VIRMA: variants seen among roughly 807,000 people sequenced by gnomAD.
VIRMA encodes protein virilizer homolog.
In VIRMA, 65 loss-of-function variants were observed where a neutral mutation model predicts 182.4. That is an observed-to-expected ratio of 0.36 (90% CI 0.29 to 0.44). VIRMA has a LOEUF of 0.44. Among genes scored for constraint, VIRMA ranks in the 20% least tolerant of loss-of-function variants. The pLI is 1.00. For missense variants in VIRMA, 1,752 were observed against 2,158.1 expected (o/e 0.81, Z 3.73); for synonymous variants, 709 against 743.1 (o/e 0.95, Z 0.75).
intron 1 of VIRMA, among the ~76,000 whole-genome samples, chr8:94,552,814 CG>C (rs1368784485): frequency 6.6e-6 from 1 of 152,142 alleles, no homozygotes; most frequent in Non-Finnish European, 1.5e-5. Flanking sequence ...AAGTATTCTC[CG>C]TGAATGCATC....
At chr8:94,499,836 G>T (rs1054773476) in intron 16 of VIRMA, among the ~76,000 whole-genome samples, 2 of 151,722 alleles carry the variant, frequency 1.3e-5, no homozygotes, top group Non-Finnish European at 2.9e-5. Context: ...CTTGAGGTCA[G>T]GAGTTTAAGA....
rs1364150196 is a variant in VIRMA, at chr8:94,511,989, A to C, written c.2845+7T>G. The C allele has an allele frequency of 6.7e-7, 1 of 1,500,456 alleles. No homozygotes were observed. The highest frequency in any genetic ancestry group is 9.0e-7 in the Non-Finnish European group (1 of 1,115,078). 92.9% of individuals were successfully genotyped at this position (1,500,456 alleles called of 1,614,324 possible). ...TCGTAGTTTTTAAAATACAGTAGCC[A>C]CATTACCTTCAACAGGAGGTGGTGG... On this transcript the variant is annotated splice_region_variant and intron_variant, in intron 12 of 23. Coordinates refer to ENST00000297591, the MANE Select transcript of VIRMA (RefSeq NM_015496.5).
At chr8:94,546,768 G>T in intron 1 of VIRMA, 8 of 354,342 alleles carry the variant, frequency 2.3e-5, no homozygotes, top group Middle Eastern at 3.8e-4. Context: ...TTACGCCTTT[G>T]CATCCTGTGC....
chr8:94,495,713 A>T lies in VIRMA; in HGVS notation c.4544+18T>A. 2 of 1,606,266 alleles carry T rather than the reference A, an allele frequency of 1.2e-6. No homozygotes were observed. The highest frequency in any genetic ancestry group is 1.7e-6 in the Non-Finnish European group (2 of 1,176,148). On this transcript the variant is annotated intron_variant, in intron 19 of 23. Transcript: ENST00000297591. ...TAAAACCAACAGCTATTCAATCATAAAACATTGTGTATTTTACCTATTGTT... is the reference window on the plus strand; with the variant it reads ...TAAAACCAACAGCTATTCAATCATATAACATTGTGTATTTTACCTATTGTT...
chr8:94,517,004 C>A (rs1814582241), intron 10 of VIRMA, among the ~76,000 whole-genome samples: 1 of 152,062 alleles, frequency 6.6e-6, no homozygotes, highest in Non-Finnish European at 1.5e-5. Context: ...TCAAGGCTGC[C>A]CACATAAGGT....
At chr8:94,520,537 C>T (rs1294707320) in intron 8 of VIRMA, among the ~76,000 whole-genome samples, 1 of 151,932 alleles carries the variant, frequency 6.6e-6, no homozygotes, top group African/African-American at 2.4e-5. Context: ...CTGTACTGAC[C>T]ATGTACAGAC....
intron 2 of VIRMA, among the ~76,000 whole-genome samples, chr8:94,539,050 T>C: frequency 6.6e-6 from 1 of 151,198 alleles, no homozygotes; most frequent in East Asian, 1.9e-4. Flanking sequence ...TACAGGTGTA[T>C]GCCACTACAC....
chr8:94,523,373 C>T (rs1441448731), intron 8 of VIRMA, among the ~76,000 whole-genome samples: 1 of 152,174 alleles, frequency 6.6e-6, no homozygotes, highest in East Asian at 1.9e-4. Context: ...TCCAACATCT[C>T]CTTCTAGCTG....
Position 94,506,560 on chromosome 8 carries a change from G to A in VIRMA, c.4037C>T (p.Thr1346Ile), listed in dbSNP as rs1297597957. 1 of 1,613,596 alleles carries A rather than the reference G, an allele frequency of 6.2e-7. No individual in the cohort carries two copies. Among genetic ancestry groups the A allele is most frequent in the Non-Finnish European group, 8.5e-7 (1 of 1,179,662 alleles). The change falls in exon 16 of 24, where the codon ACA becomes ATA. Residue 1346 changes from threonine to isoleucine, a missense_variant. Around this residue, in one of 11 missense-constraint regions of VIRMA, gnomAD observed 777 missense variants for 920.6 expected, o/e 0.84. Transcript: ENST00000297591. ...AAGAAACATCATTGTTCTGACACAT[G>A]TCAGTAAACAGTTGTAACTGCTCTC... ...NSESSYNCLL[T>I]CVRTMMFLAE...
At chr8:94,502,769 TAAA>T (rs202000077) in intron 16 of VIRMA, among the ~76,000 whole-genome samples, 1 of 152,134 alleles carries the variant, frequency 6.6e-6, no homozygotes, top group Admixed American at 6.5e-5. Context: ...AGGAAGTACT[TAAA>T]AAATTTTTTT....
chr8:94,553,355 C>A, intron 1 of VIRMA, 30 bp downstream of exon 1: 1 of 1,607,530 alleles, frequency 6.2e-7, no homozygotes, highest in South Asian at 1.1e-5. Flanking sequence ...AGTCAAGAAG[C>A]AGCGTCAGAA....
chr8:94,500,584 C>CTG (rs1268475751), intron 16 of VIRMA, among the ~76,000 whole-genome samples: 1 of 151,584 alleles, frequency 6.6e-6, no homozygotes, highest in Non-Finnish European at 1.5e-5. Flanking sequence ...TGAGGAGCAA[C>CTG]TGGGGCTCTA....
At chr8:94,508,623 C>G (rs2130300288) in intron 15 of VIRMA, among the ~76,000 whole-genome samples, 1 of 151,642 alleles carries the variant, frequency 6.6e-6, no homozygotes, top group East Asian at 1.9e-4. Context: ...AAATACCAAC[C>G]AAATGGACAC....
At chr8:94,553,258 G>C in intron 1 of VIRMA, 127 bp downstream of exon 1, 1 of 903,460 alleles carries the variant, frequency 1.1e-6, no homozygotes, top group African/African-American at 1.6e-5. Flanking sequence ...CTCGGGGGAG[G>C]GTGTCTGTGT....
In VIRMA at chr8:94,489,293, T is replaced by C. The variant is rs1813540874; in HGVS notation, c.5285-433A>G. On this transcript the variant is annotated intron_variant, in intron 23 of 23. Transcript: ENST00000297591. ...GGCTTTCATTACTGAAACATAAAAATAAGAGCACATCACCATGAAACTGTT... is the reference window on the plus strand; with the variant it reads ...GGCTTTCATTACTGAAACATAAAAACAAGAGCACATCACCATGAAACTGTT... 5.3e-5 allele frequency among the ~76,000 whole-genome samples: 8 copies of C among 152,182 alleles called. No individual in the cohort carries two copies. The South Asian group carries it at 1.7e-3, about 31-fold the overall frequency.
In VIRMA at chr8:94,538,355, G is replaced by T; in HGVS notation, c.180-9C>A. The T allele has an allele frequency of 1.3e-6, 2 of 1,557,718 alleles. No homozygotes were observed. The highest frequency in any genetic ancestry group is 1.8e-6 in the Non-Finnish European group (2 of 1,129,728). On this transcript the variant is annotated splice_polypyrimidine_tract_variant and intron_variant, in intron 2 of 23. Transcript: ENST00000297591. ...TATGGGGAGATGTCTCTCTGTAAAT[G>T]AAACAAAGTTGAAACATCAGCCTTT...
intron 15 of VIRMA, among the ~76,000 whole-genome samples, chr8:94,508,644 A>G (rs1404780581): frequency 6.6e-6 from 1 of 152,090 alleles, no homozygotes; most frequent in Non-Finnish European, 1.5e-5. Context: ...TTTGAGGTAC[A>G]AGGACTTAGA....
Position 94,517,825 on chromosome 8 carries a change from C to G in VIRMA, c.2631G>C (p.Lys877Asn), listed in dbSNP as rs1210687537. ...MLEQHAASLL[K>N]LCKADENNAK... ...CATTATTTTCATCTGCTTTACAAAG[C>G]TTCAAGAGAGATGCTGCATGTTGTT... is the stretch of plus-strand genomic sequence containing the variant. The change falls in exon 10 of 24, where the codon AAG becomes AAC. Residue 877 changes from lysine to asparagine, a missense_variant. Around this residue, in one of 11 missense-constraint regions of VIRMA, gnomAD observed 777 missense variants for 920.6 expected, o/e 0.84. Transcript: ENST00000297591. The G allele has an allele frequency of 6.2e-7, 1 of 1,611,358 alleles. No homozygotes were observed.
chr8:94,543,993 A>G (rs1815673742), intron 1 of VIRMA, 51 bp from the exon 2 acceptor site: 1 of 881,288 alleles, frequency 1.1e-6, no homozygotes, highest in Admixed American at 2.1e-5. Context: ...ATTATGTAAA[A>G]CAGTTTCTCT....
Sources: allele counts gnomAD v4.1 joint callset (sites outside exome capture counted in the v4.1 genomes callset), GRCh38; gene constraint gnomAD v4.1.1; regional missense constraint gnomAD v4.1.1; transcripts MANE v1.5; gene names NCBI Gene and HGNC (gene_info 2026-07-23, HGNC 2026-07-21).